The following ROCK1 variants were observed in gnomAD, a reference collection of about 807,000 sequenced individuals.
The protein encoded by ROCK1 is rho-associated protein kinase 1.
ROCK1 carries 36 observed loss-of-function variants against 196.8 expected under a neutral mutation model. The ratio of observed to expected loss-of-function variants is 0.18; its 90% CI spans 0.14 to 0.24. The LOEUF (loss-of-function observed/expected upper bound fraction) is 0.24, where lower values mean the gene tolerates loss of function less well. Among genes scored for constraint, ROCK1 ranks in the 10% least tolerant of loss-of-function variants. The probability of loss-of-function intolerance (pLI) is 1.00; values close to 1 mark genes in which losing one functional copy is unlikely to be tolerated. For synonymous variants in ROCK1, 443 were observed against 515.9 expected, an observed-to-expected ratio of 0.86 and a Z score of 1.91; for missense variants, 920 against 1,562.0, an observed-to-expected ratio of 0.59 and a Z score of 6.93.
chr18:21,059,602 A>T (rs1346144848), intron 2 of ROCK1, among the ~76,000 whole-genome samples: 3 of 152,230 alleles, frequency 2.0e-5, no homozygotes, highest in Non-Finnish European at 4.4e-5. Context: ...CCAAAGTAAT[A>T]AAAGTATATA....
At chr18:20,994,506 T>C (rs553056737) in intron 16 of ROCK1, among the ~76,000 whole-genome samples, 4 of 152,282 alleles carry the variant, frequency 2.6e-5, no homozygotes, top group East Asian at 3.9e-4. Context: ...CACAAGTCTA[T>C]AGTCCCAGCT....
chr18:21,100,074 T>C (rs1466666969), intron 1 of ROCK1, among the ~76,000 whole-genome samples: 1 of 149,232 alleles, frequency 6.7e-6, no homozygotes, highest in Non-Finnish European at 1.5e-5. Context: ...AAAAAGCATG[T>C]AAATGTTTCA....
rs2143302706 is a variant in ROCK1, at chr18:20,947,721, C to T, written c.*3663G>A. ...ATTTGTTTATTTAAAAAAACCATTTCCGTTTATTCATGTCTTTTTAAACTT... is the reference window on the plus strand; with the variant it reads ...ATTTGTTTATTTAAAAAAACCATTTTCGTTTATTCATGTCTTTTTAAACTT... On this transcript the variant is annotated 3_prime_UTR_variant, in exon 33 of 33. Coordinates refer to ENST00000399799, the MANE Select transcript of ROCK1 (RefSeq NM_005406.3). 1 of 151,988 alleles carries T rather than the reference C, an allele frequency of 6.6e-6. No homozygotes were observed. The highest frequency in any genetic ancestry group is 2.4e-5 in the African/African-American group (1 of 41,480). 9.4% of individuals were successfully genotyped at this position (151,988 alleles called of 1,614,324 possible). A position where few individuals can be genotyped will look rare whatever the true frequency, so the allele number is the denominator to read the frequency against.
At position 20,948,367 on chromosome 18, in the gene ROCK1, A is replaced by G. The variant is rs1454258602; in HGVS notation, c.*3017T>C. On this transcript the variant is annotated 3_prime_UTR_variant, in exon 33 of 33. Transcript: ENST00000399799. ...ATCCATATGGGAGAAATACTGCTTG[A>G]TCTCTACCTCACTCTGAATTCCAGA... 3 of 151,908 alleles carry G rather than the reference A, an allele frequency of 2.0e-5. No homozygotes were observed. The highest frequency in any genetic ancestry group is 7.3e-5 in the African/African-American group (3 of 41,156). 9.4% of individuals were successfully genotyped at this position (151,908 alleles called of 1,614,324 possible). A position where few individuals can be genotyped will look rare whatever the true frequency, so the allele number is the denominator to read the frequency against.
chr18:20,951,397 GA>G lies in ROCK1; in HGVS notation c.4062-11del, dbSNP rs1399081033. On this transcript the variant is annotated splice_polypyrimidine_tract_variant and intron_variant, in intron 32 of 32. Transcript: ENST00000399799. ...TCAGTCACATGGTTAACTGTTGAGG[GA>G]GGGGGAAAAAACTAATTTAAGAAAT... 2 of 1,591,426 alleles carry G rather than the reference GA, an allele frequency of 1.3e-6. No individual in the cohort carries two copies. The highest frequency in any genetic ancestry group is 2.7e-5 in the African/African-American group (2 of 74,106).
intron 2 of ROCK1, among the ~76,000 whole-genome samples, chr18:21,055,188 G>C (rs1169336072): frequency 6.6e-6 from 1 of 152,054 alleles, no homozygotes; most frequent in Non-Finnish European, 1.5e-5. Flanking sequence ...CTCTATGTCA[G>C]CACCCATGCA....
chr18:21,095,438 C>G (rs1242950716), intron 1 of ROCK1, among the ~76,000 whole-genome samples: 1 of 152,078 alleles, frequency 6.6e-6, no homozygotes, highest in Non-Finnish European at 1.5e-5. Flanking sequence ...TCACAACACC[C>G]AAGATATGGA....
chr18:21,030,916 G>GAA (rs913009079), intron 9 of ROCK1, among the ~76,000 whole-genome samples: 1 of 152,110 alleles, frequency 6.6e-6, no homozygotes, highest in African/African-American at 2.4e-5. Flanking sequence ...AACTTTCTGA[G>GAA]AACTCTGGAA....
chr18:21,096,946 G>A (rs2036617682), intron 1 of ROCK1, among the ~76,000 whole-genome samples: 1 of 152,122 alleles, frequency 6.6e-6, no homozygotes, highest in African/African-American at 2.4e-5. Context: ...GTTCAAAAAA[G>A]AAAGTAACAG....
intron 1 of ROCK1, among the ~76,000 whole-genome samples, chr18:21,087,038 CAA>C (rs1221738264): frequency 6.6e-6 from 1 of 152,032 alleles, no homozygotes; most frequent in African/African-American, 2.4e-5. Flanking sequence ...ATATTACGAA[CAA>C]GGGTAAAATG....
At chr18:21,050,358 A>C (rs567174388) in intron 2 of ROCK1, among the ~76,000 whole-genome samples, 1 of 150,704 alleles carries the variant, frequency 6.6e-6, no homozygotes, top group Non-Finnish European at 1.5e-5. Context: ...AAAAAAAAAA[A>C]CAGTAAATTT....
At chr18:21,019,897 T>TAAA (rs1266866256) in intron 12 of ROCK1, among the ~76,000 whole-genome samples, 1 of 139,456 alleles carries the variant, frequency 7.2e-6, no homozygotes, top group African/African-American at 2.6e-5. Flanking sequence ...TTTCATGAAT[T>TAAA]AAAAAAAAAA....
chr18:21,101,108 A>G (rs150963711), intron 1 of ROCK1, among the ~76,000 whole-genome samples: 135 of 152,352 alleles, frequency 8.9e-4, no homozygotes, highest in Admixed American at 1.3e-3. Context: ...TTCATCCTGT[A>G]TTTCATGAAT....
intron 16 of ROCK1, among the ~76,000 whole-genome samples, chr18:20,999,770 G>A (rs1371746742): frequency 6.6e-6 from 1 of 152,100 alleles, no homozygotes; most frequent in Non-Finnish European, 1.5e-5. Flanking sequence ...TGGGACAACA[G>A]GCGTGCACCA....
chr18:21,087,630 A>G (rs2036538192), intron 1 of ROCK1, among the ~76,000 whole-genome samples: 1 of 152,226 alleles, frequency 6.6e-6, no homozygotes, highest in Non-Finnish European at 1.5e-5. Context: ...AGGCACAATA[A>G]TCTGAACCAT....
chr18:21,066,593 C>T (rs562173872), intron 2 of ROCK1, among the ~76,000 whole-genome samples: 1 of 152,176 alleles, frequency 6.6e-6, no homozygotes, highest in Non-Finnish European at 1.5e-5. Flanking sequence ...TTTCTTCATA[C>T]CCTTTTCTAA....
intron 16 of ROCK1, among the ~76,000 whole-genome samples, chr18:21,004,257 T>C (rs1334129126): frequency 6.6e-6 from 1 of 152,164 alleles, no homozygotes; most frequent in Non-Finnish European, 1.5e-5. Flanking sequence ...AGATCATATA[T>C]GGAGGACATT....
rs560033230 is a variant in ROCK1, at chr18:21,023,332, T to C, written c.1272+288A>G. The stretch of plus-strand genomic sequence containing the variant: ...TCTGTTTGCCTGTCAAGACCCTTAA[T>C]GATACATTGATATATCATAGTTCCT... On this transcript the variant is annotated intron_variant, in intron 11 of 32. Coordinates refer to ENST00000399799, the MANE Select transcript of ROCK1 (RefSeq NM_005406.3). Among the ~76,000 whole-genome samples, 6 of 152,280 alleles carry C rather than the reference T, an allele frequency of 3.9e-5. No individual in the cohort carries two copies. In the East Asian group the frequency reaches 7.7e-4, roughly 20 times the overall value.
intron 27 of ROCK1, among the ~76,000 whole-genome samples, chr18:20,964,676 A>G (rs1376168563): frequency 6.6e-6 from 1 of 152,200 alleles, no homozygotes; most frequent in African/African-American, 2.4e-5. Context: ...GACTTTGATA[A>G]CCTTAAAAAC....
Sources: gnomAD v4.1 joint callset for allele counts (sites outside exome capture counted in the v4.1 genomes callset) on GRCh38, gnomAD v4.1.1 for gene constraint, MANE v1.5 for transcripts, NCBI Gene and HGNC (gene_info 2026-07-23, HGNC 2026-07-21) for gene names.